The following ZFP64 variants were observed in gnomAD, a reference collection of about 807,000 sequenced individuals.
ZFP64 encodes the protein zinc finger protein 64.
ZFP64 carries 14 observed loss-of-function variants against 51.6 expected under a neutral mutation model. The observed-to-expected ratio is 0.27, with a 90% confidence interval of 0.18 to 0.42. The LOEUF is 0.42. ZFP64 is among the 10% of genes least tolerant of loss of function. The pLI is 1.00. For synonymous variants in ZFP64, 375 were observed against 361.4 expected (o/e 1.04, Z -0.43); for missense variants, 754 against 906.8 (o/e 0.83, Z 2.16).
intron 5 of ZFP64, among the ~76,000 whole-genome samples, chr20:52,111,819 C>T (rs1047979381): frequency 3.3e-5 from 5 of 151,990 alleles, no homozygotes; most frequent in Admixed American, 6.6e-5. Context: ...CAGTGGCTTA[C>T]ACCTGTAATC....
chr20:52,168,208 T>C (rs1982441494), intron 2 of ZFP64, among the ~76,000 whole-genome samples: 1 of 152,348 alleles, frequency 6.6e-6, no homozygotes, highest in Non-Finnish European at 1.5e-5. Flanking sequence ...AGTTTCCATT[T>C]TTCTCAATGG....
chr20:52,184,913 C>T (rs1203289323), intron 2 of ZFP64, among the ~76,000 whole-genome samples: 1 of 152,208 alleles, frequency 6.6e-6, no homozygotes, highest in Admixed American at 6.5e-5. Context: ...CAGGTGTGAG[C>T]CACTGCACCT....
At chr20:52,164,868 A>T (rs764347722) in intron 3 of ZFP64, 111 bp from the exon 4 acceptor site, 2 of 864,716 alleles carry the variant, frequency 2.3e-6, no homozygotes, top group Non-Finnish European at 1.9e-6. Context: ...CACCACGGTA[A>T]TGGGAAAAAG....
Position 52,186,868 on chromosome 20 carries a change from TG to T in ZFP64, c.249del (p.Thr84ProfsTer76). The T allele has an allele frequency of 1.2e-6, 2 of 1,613,148 alleles. No homozygotes were observed. Among genetic ancestry groups the T allele is most frequent in the Non-Finnish European group, 1.7e-6 (2 of 1,179,232 alleles). On this transcript the variant is annotated frameshift_variant, in exon 2 of 6. Transcript: ENST00000216923. LOFTEE classifies it high-confidence loss of function. The part of the protein sequence containing the change: ...ETVPATQTQT[T>X]TRTITSETQT... ...TGGGTCTCCGAGGTGATGGTTCTGG[TG>T]GTGGTCTGAGTCTGGGTGGCAGGCA...
chr20:52,121,162 GC>G (rs1236741263), intron 5 of ZFP64, among the ~76,000 whole-genome samples: 1 of 152,110 alleles, frequency 6.6e-6, no homozygotes, highest in African/African-American at 2.4e-5. Context: ...TTGAAATTAG[GC>G]CAATTAATAA....
chr20:52,093,146 T>TA (rs1454415257), intron 7 of ZFP64, among the ~76,000 whole-genome samples: 1 of 151,730 alleles, frequency 6.6e-6, no homozygotes, highest in Non-Finnish European at 1.5e-5. Flanking sequence ...AAAAAAAATT[T>TA]TTTTTTTTTT....
intron 2 of ZFP64, among the ~76,000 whole-genome samples, chr20:52,181,301 A>T (rs1380754161): frequency 6.6e-6 from 1 of 152,146 alleles, no homozygotes; most frequent in Non-Finnish European, 1.5e-5. Context: ...TGCCATGGTC[A>T]TGGGGTTCCT....
chr20:52,140,086 G>A (rs141035039), intron 5 of ZFP64, among the ~76,000 whole-genome samples: 327 of 152,048 alleles, frequency 2.2e-3, no homozygotes, highest in African/African-American at 7.8e-3. Context: ...CATATAAGAC[G>A]ACGAAATTAA....
At chr20:52,183,025 A>C (rs1983719606) in intron 2 of ZFP64, among the ~76,000 whole-genome samples, 1 of 152,158 alleles carries the variant, frequency 6.6e-6, no homozygotes, top group Admixed American at 6.5e-5. Context: ...TCCAGCTCTG[A>C]CATAAGAATT....
At chr20:52,104,723 G>A (rs761647261) in intron 5 of ZFP64, 6 of 488,262 alleles carry the variant, frequency 1.2e-5, no homozygotes, top group Admixed American at 2.3e-5. Flanking sequence ...GGCCTTCCCT[G>A]GACAACGCAT....
chr20:52,160,169 G>A lies in ZFP64; in HGVS notation c.717C>T (p.Ala239=). The change falls in exon 5 of 6, where the codon GCC becomes GCT. Residue 239 remains alanine, a synonymous_variant. Coordinates refer to ENST00000216923, the MANE Select transcript of ZFP64 (RefSeq NM_018197.3). The surrounding 1 kb of genome is among the most constrained non-coding windows in gnomAD (Gnocchi z 4.2). ...CAGTGAGCTGGCTGGAGTTGCGGCT[G>A]GCGTAGGGGCAGATCTGGCATTTGA... is the stretch of plus-strand genomic sequence containing the variant. ...RPFKCQICPY[A]SRNSSQLTVH... 6.2e-7 allele frequency: 1 copy of A among 1,614,226 alleles called. No homozygotes were observed. Among genetic ancestry groups the A allele is most frequent in the East Asian group, 2.2e-5 (1 of 44,882 alleles).
At chr20:52,168,130 C>T (rs902147892) in intron 2 of ZFP64, among the ~76,000 whole-genome samples, 4 of 152,164 alleles carry the variant, frequency 2.6e-5, no homozygotes, top group Admixed American at 6.5e-5. Context: ...CAGTAGTGAT[C>T]ATATCACTCT....
chr20:52,093,132 T>C (rs1175675866), intron 7 of ZFP64, among the ~76,000 whole-genome samples: 2 of 151,606 alleles, frequency 1.3e-5, no homozygotes, highest in Non-Finnish European at 2.9e-5. Context: ...AATCAGGAGA[T>C]TAAAAAAAAA....
In ZFP64 at chr20:52,173,607, T is replaced by G. The variant is rs1289587321; in HGVS notation, c.287-7582A>C. 2.0e-5 allele frequency among the ~76,000 whole-genome samples: 3 copies of G among 151,932 alleles called. No individual in the cohort carries two copies. In the East Asian group the frequency reaches 5.8e-4, roughly 29 times the overall value. ...TCTCTAGAAAAACAAAACAAAAAACTTCCCAATGCTGTCAAAACATGGCAA... is the reference window on the plus strand; with the variant it reads ...TCTCTAGAAAAACAAAACAAAAAACGTCCCAATGCTGTCAAAACATGGCAA... On this transcript the variant is annotated intron_variant, in intron 2 of 5. Transcript: ENST00000216923.
rs1392471568 is a variant in ZFP64, at chr20:52,160,614, T to A, written c.512-240A>T. The stretch of plus-strand genomic sequence containing the variant: ...ATGATGAATATGAATTTCTTATAAA[T>A]TTTTTATAAATTAAAAATAGAAGGC... On this transcript the variant is annotated intron_variant, in intron 4 of 5. Transcript: ENST00000216923. This position sits in a 1 kb window ranked among gnomAD's most constrained non-coding sequence, Gnocchi z 4.2. Among the ~76,000 whole-genome samples, 2 of 152,234 alleles carry A rather than the reference T, an allele frequency of 1.3e-5. No individual in the cohort carries two copies. The highest frequency in any genetic ancestry group is 2.4e-5 in the African/African-American group (1 of 41,468).
chr20:52,090,795 T>TA (rs1384779393), intron 7 of ZFP64, among the ~76,000 whole-genome samples: 6 of 150,412 alleles, frequency 4.0e-5, no homozygotes, highest in African/African-American at 1.5e-4. Flanking sequence ...CAAGATTTTT[T>TA]TTTTTTTTTT....
chr20:52,097,453 ATTT>A (rs11309611), intron 6 of ZFP64: 7,707 of 1,420,636 alleles, frequency 5.4e-3, no homozygotes, highest in Admixed American at 0.01. Context: ...AGAAAAATAG[ATTT>A]TTTTTTTTTT....
chr20:52,181,371 A>G (rs1342345805), intron 2 of ZFP64, among the ~76,000 whole-genome samples: 1 of 152,212 alleles, frequency 6.6e-6, no homozygotes, highest in Non-Finnish European at 1.5e-5. Flanking sequence ...CGGTGATTTG[A>G]AGCCATGAAC....
intron 5 of ZFP64, among the ~76,000 whole-genome samples, chr20:52,113,258 C>T (rs942215544): frequency 2.0e-5 from 3 of 151,746 alleles, no homozygotes; most frequent in Non-Finnish European, 2.9e-5. Context: ...GACGTGAACC[C>T]GGGAGGCGGA....
Sources: allele counts gnomAD v4.1 joint callset (sites outside exome capture counted in the v4.1 genomes callset), GRCh38; gene constraint gnomAD v4.1.1; non-coding constraint Gnocchi (gnomAD v3.1); transcripts MANE v1.5; gene names NCBI Gene and HGNC (gene_info 2026-07-23, HGNC 2026-07-21).